The following DICER1 variants were observed in gnomAD, a reference collection of about 807,000 sequenced individuals.
DICER1 encodes dicer 1, ribonuclease III.
A neutral mutation model predicts 194.1 loss-of-function variants in DICER1; 43 were observed. The observed-to-expected ratio is 0.22, with a 90% confidence interval of 0.17 to 0.29. The LOEUF is 0.29. Among genes scored for constraint, DICER1 ranks in the 10% least tolerant of loss-of-function variants. DICER1 has a pLI of 1.00. For missense variants in DICER1, 1,608 were observed against 2,317.0 expected (o/e 0.69, Z 6.28); for synonymous variants, 832 against 820.5 (o/e 1.01, Z -0.24).
At position 95,087,408 on chromosome 14, in the gene DICER1, T is replaced by C; in HGVS notation, c.*3090A>G. 4.3e-6 allele frequency: 1 copy of C among 233,402 alleles called. No individual in the cohort carries two copies. The highest frequency in any genetic ancestry group is 2.2e-5 in the African/African-American group (1 of 45,472). 14.5% of individuals were successfully genotyped at this position (233,402 alleles called of 1,614,324 possible). ...TTCAGTTAACAAATCTGTTTCATAC[T>C]TTCACAAACAGTAAAAATGCCACAG... is the stretch of plus-strand genomic sequence containing the variant. On this transcript the variant is annotated 3_prime_UTR_variant, in exon 27 of 27. Transcript: ENST00000343455.
In DICER1 at chr14:95,148,771, C is replaced by T. The variant is rs370493285; in HGVS notation, c.-46+8459G>A. Among the ~76,000 whole-genome samples the T allele has an allele frequency of 9.2e-5, 14 of 152,262 alleles. No individual in the cohort carries two copies. The South Asian group carries it at 1.0e-3, about 11-fold the overall frequency. ...ACTTCTCAGAAAGATGACATTTCAA[C>T]ACATCAAAACAGCACAGATACCCAC... On this transcript the variant is annotated intron_variant, in intron 1 of 26. Coordinates refer to ENST00000343455, the MANE Select transcript of DICER1 (RefSeq NM_177438.3).
At position 95,129,490 on chromosome 14, in the gene DICER1, T is replaced by A; in HGVS notation, c.716A>T (p.Asp239Val). The A allele has an allele frequency of 1.5e-5, 24 of 1,613,894 alleles. No individual in the cohort carries two copies. Among genetic ancestry groups the A allele is most frequent in the Non-Finnish European group, 2.0e-5 (24 of 1,179,858 alleles). Residue 239 changes from aspartate to valine, a missense_variant, in exon 6 of 27, where the codon GAC (aspartate) becomes GTC (valine). This residue lies in a region of DICER1 where 657 missense variants were observed against 910.1 expected (regional missense o/e 0.72). Coordinates refer to ENST00000343455, the MANE Select transcript of DICER1 (RefSeq NM_177438.3). ...ILKSNAETAT[D>V]LVVLDRYTSQ... The stretch of plus-strand genomic sequence containing the variant: ...TGCATACCTGTCTAAGACCACCAGG[T>A]CAGTTGCAGTTTCAGCATTACTCTT...
Position 95,122,386 on chromosome 14 carries a change from C to T in DICER1, c.1376+1810G>A, listed in dbSNP as rs142256974. 5.3e-3 allele frequency among the ~76,000 whole-genome samples: 808 copies of T among 152,238 alleles called. 3 individuals are homozygous for T. The highest frequency in any genetic ancestry group is 0.018 in the African/African-American group (749 of 41,548). On this transcript the variant is annotated intron_variant, in intron 8 of 26. Transcript: ENST00000343455. ...CCTAAATGGAGACGGGGAGTATGTC[C>T]ATAACTAGGCTTACAACTGCGCCAG... is the stretch of plus-strand genomic sequence containing the variant.
At chr14:95,121,806 A>G (rs1014456579) in intron 8 of DICER1, among the ~76,000 whole-genome samples, 1 of 152,166 alleles carries the variant, frequency 6.6e-6, no homozygotes, top group African/African-American at 2.4e-5. Flanking sequence ...ATAACTTAGA[A>G]ACCCCTATGT....
At chr14:95,100,267 G>A (rs887362861) in intron 21 of DICER1, among the ~76,000 whole-genome samples, 1 of 152,116 alleles carries the variant, frequency 6.6e-6, no homozygotes, top group African/African-American at 2.4e-5. Context: ...ACAACCTGAT[G>A]ATATAAAATG....
chr14:95,152,423 A>C (rs1162288180), intron 1 of DICER1, among the ~76,000 whole-genome samples: 1 of 152,272 alleles, frequency 6.6e-6, no homozygotes, highest in Non-Finnish European at 1.5e-5. Context: ...AAAAAGTATT[A>C]TAAATTAACT....
intron 8 of DICER1, among the ~76,000 whole-genome samples, chr14:95,122,613 C>T (rs1566799134): frequency 6.6e-6 from 1 of 152,216 alleles, no homozygotes. Context: ...CTAGAATTGT[C>T]TCTGCCATTG....
intron 8 of DICER1, among the ~76,000 whole-genome samples, chr14:95,120,164 TCAA>T (rs1401947931): frequency 6.6e-6 from 1 of 152,202 alleles, no homozygotes; most frequent in Non-Finnish European, 1.5e-5. Flanking sequence ...AAATACATTA[TCAA>T]CAACTCCTTT....
At position 95,107,613 on chromosome 14, in the gene DICER1, A is replaced by G. The variant is rs1595378726; in HGVS notation, c.2799T>C (p.Ile933=). Residue 933 remains isoleucine, a synonymous_variant, in exon 17 of 27, where the codon ATT becomes ATC. Coordinates refer to ENST00000343455, the MANE Select transcript of DICER1 (RefSeq NM_177438.3). ...CTTTCCATTTAAATACCTACCTTGG[A>G]ATGATAACGGCATCTTGGTAATCTT... ...KLEDYQDAVI[I]PRYRNFDQPH... is the part of the protein sequence containing the mutation. The G allele has an allele frequency of 6.2e-7, 1 of 1,613,916 alleles. No individual in the cohort carries two copies. The highest frequency in any genetic ancestry group is 8.5e-7 in the Non-Finnish European group (1 of 1,179,836).
chr14:95,101,780 C>T (rs1462600343), intron 21 of DICER1, among the ~76,000 whole-genome samples: 1 of 152,074 alleles, frequency 6.6e-6, no homozygotes, highest in South Asian at 2.1e-4. Flanking sequence ...AGTGTGAGTC[C>T]CCTCATCTGC....
rs774540239 is a variant in DICER1 at position 95,108,081 on chromosome 14, G to C, written c.2449C>G (p.Pro817Ala). ...AKPIPQIPHF[P>A]VYTRSGEVTI... ...ACCTCTCCAGAGCGTGTGTACACAG[G>C]AAAGTGTGGAATCTTAGCAAAAGGA... is the stretch of plus-strand genomic sequence containing the variant. The change falls in exon 16 of 27, where the codon CCT (proline) becomes GCT (alanine). Residue 817 changes from proline to alanine, a missense_variant. Transcript: ENST00000343455. 3 of 1,612,530 alleles carry C rather than the reference G, an allele frequency of 1.9e-6. No homozygotes were observed. Among genetic ancestry groups the C allele is most frequent in the Admixed American group, 1.7e-5 (1 of 60,008 alleles).
rs1060503587 is a variant in DICER1 at position 95,130,082 on chromosome 14, G to T, written c.549C>A (p.Asp183Glu). 1 of 1,613,378 alleles carries T rather than the reference G, an allele frequency of 6.2e-7. No homozygotes were observed. Among genetic ancestry groups the T allele is most frequent in the Admixed American group, 1.7e-5 (1 of 60,006 alleles). The change falls in exon 5 of 27, where the codon GAC becomes GAA. Residue 183 changes from aspartate to glutamate, a missense_variant. By Grantham distance (45) the Asp-to-Glu change is conservative. Around this residue, in one of 10 missense-constraint regions of DICER1, gnomAD observed 657 missense variants for 910.1 expected, o/e 0.72. Coordinates refer to ENST00000343455, the MANE Select transcript of DICER1 (RefSeq NM_177438.3). ...CCTTCATAATTTCTCGATAGGGGTG[G>T]TCTAGGATTGCAAGATGACACTCAT... Reference protein sequence around the residue: ...VFDECHLAILDHPYREIMKLC... With the variant: ...VFDECHLAILEHPYREIMKLC...
intron 8 of DICER1, among the ~76,000 whole-genome samples, chr14:95,117,979 G>A (rs1193151371): frequency 4.6e-5 from 7 of 152,130 alleles, no homozygotes; most frequent in Non-Finnish European, 1.0e-4. Context: ...AGATTGGTTT[G>A]TACTGACAAA....
chr14:95,105,858 C>T lies in DICER1; in HGVS notation c.2988-75G>A. The T allele has an allele frequency of 6.9e-7, 1 of 1,440,152 alleles. No individual in the cohort carries two copies. The highest frequency in any genetic ancestry group is 9.8e-7 in the Non-Finnish European group (1 of 1,023,480). The allele number at this position is 1,440,152 out of a possible 1,614,324, so 89.2% of individuals were successfully genotyped here. ...ATTCACAGTGGTTCTCCAAAAACCACCTGAAGAGCTCATTTCAACTACAGC... is the reference window on the plus strand; with the variant it reads ...ATTCACAGTGGTTCTCCAAAAACCATCTGAAGAGCTCATTTCAACTACAGC... On this transcript the variant is annotated intron_variant, in intron 18 of 26. Transcript: ENST00000343455. This position sits in a 1 kb window ranked among gnomAD's most constrained non-coding sequence, Gnocchi z 4.9.
At chr14:95,152,948 G>A (rs563314149) in intron 1 of DICER1, among the ~76,000 whole-genome samples, 1 of 151,902 alleles carries the variant, frequency 6.6e-6, no homozygotes, top group Non-Finnish European at 1.5e-5. Flanking sequence ...TGGGCACGGT[G>A]GCTCACACCT....
intron 8 of DICER1, among the ~76,000 whole-genome samples, chr14:95,118,214 A>G (rs923917673): frequency 2.0e-5 from 3 of 152,198 alleles, no homozygotes; most frequent in African/African-American, 7.2e-5. Context: ...CTTGAGCTGC[A>G]GGCCCTACTG....
chr14:95,092,886 G>A (rs558548568), intron 24 of DICER1, among the ~76,000 whole-genome samples: 2 of 152,258 alleles, frequency 1.3e-5, no homozygotes, highest in African/African-American at 2.4e-5. Context: ...CCGCCTTCTC[G>A]CCTCACAGCC....
Position 95,157,376 on chromosome 14 carries a change from G to A in DICER1, c.-192C>T, listed in dbSNP as rs886050947. 6.5e-6 allele frequency: 1 copy of A among 154,972 alleles called. No homozygotes were observed. Among genetic ancestry groups the A allele is most frequent in the Non-Finnish European group, 1.4e-5 (1 of 70,134 alleles). The allele number at this position is 154,972 out of a possible 1,614,324, so 9.6% of individuals were successfully genotyped here. On this transcript the variant is annotated 5_prime_UTR_variant, in exon 1 of 27. Coordinates refer to ENST00000343455, the MANE Select transcript of DICER1 (RefSeq NM_177438.3). ...CGCCGTCGCCTCGTCCCCGCTGTCA[G>A]GTTACTCCATTCACCTGGGCCTGCA...
At chr14:95,121,006 C>T (rs144432474) in intron 8 of DICER1, among the ~76,000 whole-genome samples, 5 of 152,270 alleles carry the variant, frequency 3.3e-5, no homozygotes, top group East Asian at 3.9e-4. Flanking sequence ...ATGAACATGA[C>T]GAGTGACGTT....
Sources: gnomAD v4.1 joint callset for allele counts (sites outside exome capture counted in the v4.1 genomes callset) on GRCh38, gnomAD v4.1.1 for gene constraint, gnomAD v4.1.1 regional missense constraint, Gnocchi (gnomAD v3.1) non-coding constraint, MANE v1.5 for transcripts, NCBI Gene and HGNC (gene_info 2026-07-23, HGNC 2026-07-21) for gene names.